Variants in HDHD5 observed in about 807,000 individuals in gnomAD.
The protein encoded by HDHD5 is haloacid dehalogenase-like hydrolase domain-containing 5.
In HDHD5, 34 loss-of-function variants were observed where a neutral mutation model predicts 35.5. That is an observed-to-expected ratio of 0.96 (90% CI 0.73 to 1.28). HDHD5 has a LOEUF of 1.28. HDHD5 is among the 50% of genes most tolerant of loss of function. HDHD5 has a pLI of 0.00. For missense variants in HDHD5, 589 were observed against 560.2 expected (o/e 1.05, Z -0.52); for synonymous variants, 248 against 240.6 (o/e 1.03, Z -0.29).
chr22:17,155,080 G>A (rs1431635420), intron 1 of HDHD5, among the ~76,000 whole-genome samples: 1 of 152,130 alleles, frequency 6.6e-6, no homozygotes, highest in Non-Finnish European at 1.5e-5. Flanking sequence ...TGCTCAATCT[G>A]GGAGATGGGC....
intron 6 of HDHD5, among the ~76,000 whole-genome samples, chr22:17,138,951 G>A (rs2061567989): frequency 6.6e-6 from 1 of 152,180 alleles, no homozygotes; most frequent in Non-Finnish European, 1.5e-5. Context: ...TGTAAAACGA[G>A]GAAACCAAGG....
intron 1 of HDHD5, among the ~76,000 whole-genome samples, chr22:17,154,587 C>A (rs928860493): frequency 6.6e-6 from 1 of 150,402 alleles, no homozygotes; most frequent in Non-Finnish European, 1.5e-5. Flanking sequence ...ATACTGGCAT[C>A]GTGGTTATGT....
At position 17,149,672 on chromosome 22, in the gene HDHD5, G is replaced by A. The variant is rs146587431; in HGVS notation, c.200C>T (p.Ala67Val). The change falls in exon 2 of 8, where the codon GCT (alanine) becomes GTT (valine). Residue 67 changes from alanine to valine, a missense_variant. By Grantham distance (64) the Ala-to-Val change is moderately conservative (BLOSUM62 0). Transcript: ENST00000336737. ...CACCAGCCTTCGGAAGGCTTTCAGA[G>A]CAGCAGGGATCACTCTGTGGCCCCG... is the stretch of plus-strand genomic sequence containing the variant. ...LVRGHRVIPA[A>V]LKAFRRLVNS... 5.6e-6 allele frequency: 9 copies of A among 1,613,828 alleles called. No individual in the cohort carries two copies. The highest frequency in any genetic ancestry group is 7.6e-6 in the Non-Finnish European group (9 of 1,180,042).
intron 3 of HDHD5, among the ~76,000 whole-genome samples, chr22:17,147,998 T>C (rs1394086373): frequency 2.6e-5 from 4 of 152,212 alleles, no homozygotes; most frequent in African/African-American, 2.4e-5. Flanking sequence ...GGCCAGGTAT[T>C]ATTCCGCAGG....
At chr22:17,149,865 C>T (rs2061707170) in intron 1 of HDHD5, 120 bp from the exon 2 acceptor site, 1 of 761,694 alleles carries the variant, frequency 1.3e-6, no homozygotes, top group African/African-American at 1.8e-5. Context: ...TCAGAAAGAA[C>T]AAAAAAATGA....
chr22:17,149,491 T>A, intron 2 of HDHD5, 51 bp downstream of exon 2: 1 of 1,568,218 alleles, frequency 6.4e-7, no homozygotes, highest in Non-Finnish European at 8.7e-7. Flanking sequence ...GGGCAGCGGC[T>A]CCATTAGGAA....
intron 1 of HDHD5, among the ~76,000 whole-genome samples, chr22:17,155,778 A>G (rs2061782956): frequency 1.3e-5 from 2 of 152,334 alleles, no homozygotes; most frequent in South Asian, 4.1e-4. Context: ...GTCACGCACC[A>G]TAACGATGTT....
chr22:17,144,413 C>CTTTTT (rs71315359), intron 4 of HDHD5, among the ~76,000 whole-genome samples: 1 of 132,774 alleles, frequency 7.5e-6, no homozygotes, highest in Admixed American at 7.6e-5. Flanking sequence ...CCATATGTGG[C>CTTTTT]TTTTTTTTTT....
At chr22:17,161,728 T>A (rs1431680179), upstream of HDHD5, among the ~76,000 whole-genome samples, 1 of 150,890 alleles carries the variant, frequency 6.6e-6, no homozygotes, top group Non-Finnish European at 1.5e-5. Context: ...AAAAAAAAAA[T>A]TAGCCAGGCA....
chr22:17,160,614 A>G (rs1340271046), upstream of HDHD5, among the ~76,000 whole-genome samples: 1 of 150,740 alleles, frequency 6.6e-6, no homozygotes, highest in Non-Finnish European at 1.5e-5. Flanking sequence ...GCGCCAATGC[A>G]CTCCAGCCTG....
chr22:17,140,903 C>T (rs2061592105), intron 6 of HDHD5, among the ~76,000 whole-genome samples, 156 bp downstream of exon 6: 1 of 152,222 alleles, frequency 6.6e-6, no homozygotes, highest in South Asian at 2.1e-4. Flanking sequence ...CTTGAAAGCC[C>T]TTCCAAAGGC....
rs755415589 is a variant in HDHD5, at chr22:17,145,007, C to T, written c.537+17G>A. The T allele has an allele frequency of 3.1e-6, 5 of 1,613,564 alleles. No individual in the cohort carries two copies. In the African/African-American group the frequency reaches 6.7e-5, roughly 22 times the overall value. On this transcript the variant is annotated intron_variant, in intron 4 of 7. Transcript: ENST00000336737. ...AGTGAAGGATGAAGACACAGCCCAA[C>T]CCATGCTCCTTATTACCGTGGTCTT...
chr22:17,137,885 TGCCACACTCATGGG>T lies in HDHD5; in HGVS notation c.*122_*135del. On this transcript the variant is annotated 3_prime_UTR_variant, in exon 8 of 8. Transcript: ENST00000336737. ...CTGTCTTCTTCCAAGTGACCAGTAA[TGCCACACTCATGGG>T]GCAGCAAGAAGGGTGGCAAGGGAAC... 1.5e-6 allele frequency: 1 copy of T among 658,296 alleles called. No homozygotes were observed. Among genetic ancestry groups the T allele is most frequent in the Non-Finnish European group, 2.6e-6 (1 of 385,282 alleles). 40.8% of individuals were successfully genotyped at this position (658,296 alleles called of 1,614,324 possible).
At chr22:17,141,884 T>C (rs2123852071) in intron 5 of HDHD5, 2 of 152,490 alleles carry the variant, frequency 1.3e-5, no homozygotes, top group East Asian at 3.9e-4. Flanking sequence ...ACAGGGCCGG[T>C]GAACTGCACC....
At chr22:17,147,357 G>A (rs5748907) in intron 3 of HDHD5, among the ~76,000 whole-genome samples, 35,920 of 52,228 alleles carry the variant, frequency 0.69, 12,604 homozygotes, top group Non-Finnish European at 0.72. Context: ...CACCTGTGGC[G>A]CACTCCTGTG....
Position 17,137,760 on chromosome 22 carries a change from A to C in HDHD5, c.*261T>G. The C allele has an allele frequency of 2.2e-6, 1 of 456,322 alleles. No homozygotes were observed. Among genetic ancestry groups the C allele is most frequent in the Non-Finnish European group, 4.0e-6 (1 of 251,394 alleles). The allele number at this position is 456,322 out of a possible 1,614,324, so 28.3% of individuals were successfully genotyped here. ...ACACTGAGGCACACAGGGGAAGAGA[A>C]TGGCCTGAGGTTAGACTGCCACGAA... is the stretch of plus-strand genomic sequence containing the variant. On this transcript the variant is annotated 3_prime_UTR_variant, in exon 8 of 8. Transcript: ENST00000336737.
intron 4 of HDHD5, 57 bp downstream of exon 4, chr22:17,144,967 G>A: frequency 2.5e-6 from 4 of 1,601,030 alleles, no homozygotes; most frequent in South Asian, 1.1e-5. Flanking sequence ...CACAGCCAAT[G>A]CAGGGCACTG....
chr22:17,150,011 C>A (rs1036209508), intron 1 of HDHD5, among the ~76,000 whole-genome samples: 2 of 152,116 alleles, frequency 1.3e-5, no homozygotes, highest in Non-Finnish European at 1.5e-5. Flanking sequence ...GTGGCATGAT[C>A]ACGGCTCACT....
intron 1 of HDHD5, among the ~76,000 whole-genome samples, chr22:17,155,980 G>A (rs556790033): frequency 7.2e-5 from 11 of 152,178 alleles, no homozygotes; most frequent in African/African-American, 2.4e-4. Context: ...GAACTCCAAC[G>A]CCAAAAGGTT....
Sources: allele counts gnomAD v4.1 joint callset (sites outside exome capture counted in the v4.1 genomes callset), GRCh38; gene constraint gnomAD v4.1.1; transcripts MANE v1.5; gene names NCBI Gene and HGNC (gene_info 2026-07-23, HGNC 2026-07-21).